FER: variants seen among roughly 807,000 people sequenced by gnomAD.
FER encodes tyrosine-protein kinase Fer.
FER carries 63 observed loss-of-function variants against 111.0 expected under a neutral mutation model. That is an observed-to-expected ratio of 0.57 (90% CI 0.46 to 0.70). The LOEUF (loss-of-function observed/expected upper bound fraction) is 0.70. Among genes scored for constraint, FER ranks in the 30% least tolerant of loss-of-function variants. The pLI is 0.00. For synonymous variants in FER, 327 were observed against 313.9 expected (o/e 1.04, Z -0.44); for missense variants, 914 against 954.0 (o/e 0.96, Z 0.55).
chr5:108,812,317 A>G (rs1425686018), intron 3 of FER, among the ~76,000 whole-genome samples: 1 of 152,196 alleles, frequency 6.6e-6, no homozygotes, highest in African/African-American at 2.4e-5. Context: ...TAGGCCCTTT[A>G]TCACTGAGAA....
chr5:108,898,631 CTTTT>C (rs1468661546), intron 10 of FER, among the ~76,000 whole-genome samples: 1 of 130,554 alleles, frequency 7.7e-6, no homozygotes, highest in Admixed American at 8.6e-5. Context: ...TCCTTCCTTT[CTTTT>C]TCTTTTTCTT....
intron 2 of FER, among the ~76,000 whole-genome samples, chr5:108,769,207 T>C (rs760450944): frequency 2.0e-5 from 3 of 152,176 alleles, no homozygotes; most frequent in Non-Finnish European, 4.4e-5. Flanking sequence ...GATAGGGTCA[T>C]ATAAGGCTCC....
intron 8 of FER, among the ~76,000 whole-genome samples, chr5:108,877,159 T>C (rs1184274950): frequency 1.3e-5 from 2 of 152,200 alleles, no homozygotes; most frequent in Non-Finnish European, 2.9e-5. Flanking sequence ...CTCCATCTCT[T>C]GCATAGAGCC....
intron 16 of FER, among the ~76,000 whole-genome samples, chr5:109,060,862 T>C (rs761414491): frequency 2.0e-5 from 3 of 151,950 alleles, no homozygotes; most frequent in African/African-American, 7.3e-5. Flanking sequence ...TATGTGTTTG[T>C]GCTCATCATC....
intron 18 of FER, among the ~76,000 whole-genome samples, chr5:109,182,071 T>C (rs1359151568): frequency 6.6e-6 from 1 of 152,246 alleles, no homozygotes; most frequent in Non-Finnish European, 1.5e-5. Context: ...TCTTGTATCA[T>C]GTATCAGTAC....
intron 13 of FER, among the ~76,000 whole-genome samples, chr5:108,996,644 T>C (rs574346980): frequency 2.0e-5 from 3 of 152,216 alleles, no homozygotes; most frequent in African/African-American, 7.2e-5. Flanking sequence ...ACCAGTACCA[T>C]GCTGTTTTGG....
intron 1 of FER, among the ~76,000 whole-genome samples, chr5:108,750,850 C>T (rs1750412833): frequency 6.6e-6 from 1 of 152,198 alleles, no homozygotes; most frequent in Non-Finnish European, 1.5e-5. Flanking sequence ...ACCACTGTTA[C>T]ACAGTAAACA....
At chr5:109,008,777 C>A (rs1050544119) in intron 13 of FER, among the ~76,000 whole-genome samples, 1 of 152,078 alleles carries the variant, frequency 6.6e-6, no homozygotes, top group Non-Finnish European at 1.5e-5. Context: ...TTGAGACCAG[C>A]CTGACCAACA....
chr5:108,850,853 A>G (rs370184123), intron 5 of FER, among the ~76,000 whole-genome samples: 100 of 152,348 alleles, frequency 6.6e-4, no homozygotes, highest in Non-Finnish European at 9.3e-4. Context: ...TTTCAAGTAC[A>G]TGATTGGGAG....
intron 3 of FER, among the ~76,000 whole-genome samples, chr5:108,826,406 C>CT (rs1228936460): frequency 6.6e-6 from 1 of 151,964 alleles, no homozygotes; most frequent in Admixed American, 6.6e-5. Flanking sequence ...TTTTTCTTTC[C>CT]TTTTTTTCCA....
chr5:109,076,238 A>G (rs1004560067), intron 16 of FER, among the ~76,000 whole-genome samples: 1 of 152,212 alleles, frequency 6.6e-6, no homozygotes, highest in African/African-American at 2.4e-5. Context: ...TCATGTAACA[A>G]AACAGTGACA....
intron 16 of FER, among the ~76,000 whole-genome samples, chr5:109,097,173 G>T (rs566169173): frequency 2.0e-5 from 3 of 151,726 alleles, no homozygotes; most frequent in African/African-American, 4.8e-5. Flanking sequence ...ACCCAAAGCC[G>T]CATGGTTAAT....
At chr5:108,948,587 C>T (rs938418951) in intron 11 of FER, among the ~76,000 whole-genome samples, 2 of 152,008 alleles carry the variant, frequency 1.3e-5, no homozygotes, top group African/African-American at 4.8e-5. Flanking sequence ...AGATGTTAGA[C>T]AGTATTAATT....
At chr5:108,959,869 C>A (rs190234881) in intron 13 of FER, among the ~76,000 whole-genome samples, 327 of 152,186 alleles carry the variant, frequency 2.1e-3, no homozygotes, top group African/African-American at 7.4e-3. Context: ...TCATTTTTAC[C>A]TCTATGATCT....
chr5:108,888,715 C>A (rs1321854040), intron 9 of FER, among the ~76,000 whole-genome samples: 2 of 151,504 alleles, frequency 1.3e-5, no homozygotes, highest in East Asian at 1.9e-4. Context: ...CATAGTGAGA[C>A]CAGCAATACA....
chr5:109,183,958 G>A (rs1758570311), intron 18 of FER, among the ~76,000 whole-genome samples: 2 of 152,088 alleles, frequency 1.3e-5, no homozygotes, highest in South Asian at 4.2e-4. Context: ...TCTCATAAGT[G>A]GCTGAGAAAT....
intron 13 of FER, among the ~76,000 whole-genome samples, chr5:108,986,715 C>CT (rs746256787): frequency 4.6e-5 from 7 of 152,056 alleles, no homozygotes; most frequent in Non-Finnish European, 5.9e-5. Context: ...ACTTTACCCA[C>CT]TTTATGTTTT....
intron 13 of FER, among the ~76,000 whole-genome samples, chr5:108,983,814 C>T (rs377274619): frequency 2.0e-5 from 3 of 152,262 alleles, no homozygotes; most frequent in African/African-American, 7.2e-5. Flanking sequence ...CCAGATTCTT[C>T]TTCCAAAAAT....
At chr5:109,051,809 A>G in intron 16 of FER, 1 of 1,597,574 alleles carries the variant, frequency 6.3e-7, no homozygotes. Flanking sequence ...AGGGACACCA[A>G]GGACACCACC....
Sources: allele counts gnomAD v4.1 joint callset (sites outside exome capture counted in the v4.1 genomes callset), GRCh38; gene constraint gnomAD v4.1.1; transcripts MANE v1.5; gene names NCBI Gene and HGNC (gene_info 2026-07-23, HGNC 2026-07-21).